Variants in ZNF654 observed in about 807,000 individuals in gnomAD.
ZNF654 encodes the protein zinc finger protein 654.
Under a neutral mutation model 95.3 loss-of-function variants are expected in ZNF654, and 19 were observed. That is an observed-to-expected ratio of 0.20 (90% CI 0.14 to 0.29). The LOEUF is 0.29. Among genes scored for constraint, ZNF654 ranks in the 10% least tolerant of loss-of-function variants. ZNF654 has a pLI of 1.00. For synonymous variants in ZNF654, 413 were observed against 457.9 expected (o/e 0.90, Z 1.25); for missense variants, 1,046 against 1,341.0 (o/e 0.78, Z 3.44).
chr3:88,135,282 A>T (rs1706707249), intron 7 of ZNF654, 80 bp downstream of exon 7: 2 of 1,190,502 alleles, frequency 1.7e-6, no homozygotes, highest in Non-Finnish European at 2.2e-6. Flanking sequence ...GATAAAATTT[A>T]TTTGATTTTA....
Position 88,094,033 on chromosome 3 carries a change from G to A in ZNF654, c.332+7631G>A, listed in dbSNP as rs113609658. On this transcript the variant is annotated intron_variant, in intron 2 of 8. Coordinates refer to ENST00000636215, the MANE Select transcript of ZNF654 (RefSeq NM_001350134.2). ...TAATCATTTGTGACATGTGAACTTA[G>A]TCATTTGAGAGAAAAATCTAGGTCG... is the stretch of plus-strand genomic sequence containing the variant. 2.5e-3 allele frequency among the ~76,000 whole-genome samples: 377 copies of A among 151,618 alleles called. 2 individuals carry two copies. Among genetic ancestry groups the A allele is most frequent in the African/African-American group, 8.7e-3 (362 of 41,376 alleles).
chr3:88,068,942 T>C (rs1707350830), intron 1 of ZNF654, among the ~76,000 whole-genome samples: 1 of 152,150 alleles, frequency 6.6e-6, no homozygotes, highest in South Asian at 2.1e-4. Flanking sequence ...AAGCATTTGG[T>C]ATCTATTGTA....
At position 88,126,062 on chromosome 3, in the gene ZNF654, T is replaced by C. The variant is rs185157588; in HGVS notation, c.415-72T>C. The C allele has an allele frequency of 2.4e-5, 32 of 1,339,356 alleles. No individual in the cohort carries two copies. In the African/African-American group the frequency reaches 4.1e-4, roughly 17 times the overall value. The allele number at this position is 1,339,356 out of a possible 1,614,324, so 83.0% of individuals were successfully genotyped here. ...GCCTCACTGGCCATCAGTCATTTTA[T>C]TGACAATGATGATCAAGTTTAGTTT... On this transcript the variant is annotated intron_variant, in intron 3 of 8. Transcript: ENST00000636215.
At chr3:88,073,744 G>T (rs1344939148) in intron 1 of ZNF654, among the ~76,000 whole-genome samples, 1 of 152,100 alleles carries the variant, frequency 6.6e-6, no homozygotes, top group Non-Finnish European at 1.5e-5. Flanking sequence ...TGAAGAGTTA[G>T]TGCATTCTTC....
intron 1 of ZNF654, among the ~76,000 whole-genome samples, chr3:88,068,398 A>C (rs1707321676): frequency 6.6e-6 from 1 of 152,164 alleles, no homozygotes; most frequent in African/African-American, 2.4e-5. Flanking sequence ...GTATCAGTAC[A>C]TATTAATAGA....
chr3:88,071,890 CTT>C (rs753770735), intron 1 of ZNF654, among the ~76,000 whole-genome samples: 6 of 152,190 alleles, frequency 3.9e-5, no homozygotes, highest in Admixed American at 1.3e-4. Flanking sequence ...TATCTTCTCT[CTT>C]ATATTTTGAA....
In ZNF654 at chr3:88,140,960, G is replaced by C. The variant is rs977208524; in HGVS notation, c.3291G>C (p.Leu1097=). 11 of 1,613,316 alleles carry C rather than the reference G, an allele frequency of 6.8e-6. No homozygotes were observed. Among genetic ancestry groups the C allele is most frequent in the Non-Finnish European group, 9.3e-6 (11 of 1,179,588 alleles). ...AAAGATTAAGATGTGGCAAATGCCT[G>C]ACCACCTACTGTAATGCAGAAGCAC... is the stretch of plus-strand genomic sequence containing the variant. ...SVKRLRCGKC[L]TTYCNAEALE... is the part of the protein sequence containing the mutation. The change falls in exon 8 of 9, where the codon CTG becomes CTC. Residue 1097 remains leucine (L), a synonymous_variant. Coordinates refer to ENST00000636215, the MANE Select transcript of ZNF654 (RefSeq NM_001350134.2).
chr3:88,086,467 A>G (rs541422522), intron 2 of ZNF654, 65 bp downstream of exon 2: 21 of 1,307,522 alleles, frequency 1.6e-5, no homozygotes, highest in Non-Finnish European at 2.1e-5. Context: ...TTTGTTTTTG[A>G]TAATTTCTTC....
intron 7 of ZNF654, among the ~76,000 whole-genome samples, chr3:88,137,968 C>G (rs1483437893): frequency 3.3e-5 from 5 of 151,994 alleles, no homozygotes; most frequent in Non-Finnish European, 7.4e-5. Flanking sequence ...TTAGATTATT[C>G]CAAACCACTA....
At chr3:88,136,244 A>T (rs1335273554) in intron 7 of ZNF654, among the ~76,000 whole-genome samples, 1 of 152,208 alleles carries the variant, frequency 6.6e-6, no homozygotes, top group East Asian at 1.9e-4. Flanking sequence ...GAGATATATT[A>T]TTATAGAAAG....
chr3:88,102,871 G>T (rs1435459418), intron 2 of ZNF654, among the ~76,000 whole-genome samples: 8 of 131,350 alleles, frequency 6.1e-5, no homozygotes, highest in Non-Finnish European at 1.2e-4. Flanking sequence ...GATTCTGAGA[G>T]TATGTATGCC....
At chr3:88,062,234 A>C (rs1435435673) in intron 1 of ZNF654, among the ~76,000 whole-genome samples, 3 of 152,192 alleles carry the variant, frequency 2.0e-5, no homozygotes, top group African/African-American at 7.2e-5. Flanking sequence ...CTAACTCTTA[A>C]GCTTCAGACA....
intron 1 of ZNF654, among the ~76,000 whole-genome samples, chr3:88,064,729 T>C (rs1055754939): frequency 3.9e-5 from 6 of 152,224 alleles, no homozygotes; most frequent in African/African-American, 1.4e-4. Flanking sequence ...CATTGCTTTG[T>C]CCAGTGGGTT....
At chr3:88,125,043 G>C (rs1217014679) in intron 3 of ZNF654, among the ~76,000 whole-genome samples, 1 of 151,848 alleles carries the variant, frequency 6.6e-6, no homozygotes, top group Non-Finnish European at 1.5e-5. Context: ...GTGAAACTCT[G>C]TCTCTACTAA....
Position 88,139,115 on chromosome 3 carries a change from T to C in ZNF654, c.1446T>C (p.Asn482=). The change falls in exon 8 of 9, where the codon AAT becomes AAC. Residue 482 remains asparagine, a synonymous_variant. Coordinates refer to ENST00000636215, the MANE Select transcript of ZNF654 (RefSeq NM_001350134.2). Reference sequence around the variant, plus strand: ...TAAATGAAAGCACACTGGAAAATAATGCAGGTAATCTAAAAAGGACGGAGG... The same window carrying C: ...TAAATGAAAGCACACTGGAAAATAACGCAGGTAATCTAAAAAGGACGGAGG... The part of the protein sequence containing the change: ...RFLNESTLEN[N]AGNLKRTEEQ... 1 of 1,272,422 alleles carries C rather than the reference T, an allele frequency of 7.9e-7. No individual in the cohort carries two copies. The highest frequency in any genetic ancestry group is 3.5e-5 in the South Asian group (1 of 28,586). 78.8% of individuals were successfully genotyped at this position (1,272,422 alleles called of 1,614,324 possible). A position where few individuals can be genotyped will look rare whatever the true frequency, so the allele number is the denominator to read the frequency against.
intron 3 of ZNF654, among the ~76,000 whole-genome samples, chr3:88,118,745 A>T (rs1275508495): frequency 6.6e-6 from 1 of 152,164 alleles, no homozygotes; most frequent in Non-Finnish European, 1.5e-5. Flanking sequence ...AATTTTCAAA[A>T]CTGTGCTACC....
In ZNF654 at chr3:88,142,760, G is replaced by C. The variant is rs1397399425; in HGVS notation, c.*1108G>C. The stretch of plus-strand genomic sequence containing the variant: ...ATTAGTGATGACTCTGGTCTGAACA[G>C]TAATTTTTATATGTAAAAGGAAGTA... On this transcript the variant is annotated 3_prime_UTR_variant, in exon 9 of 9. Transcript: ENST00000636215. 6.6e-6 allele frequency: 1 copy of C among 152,230 alleles called. No individual in the cohort carries two copies. The highest frequency in any genetic ancestry group is 1.9e-4 in the East Asian group (1 of 5,190). 9.4% of individuals were successfully genotyped at this position (152,230 alleles called of 1,614,324 possible). A position where few individuals can be genotyped will look rare whatever the true frequency, so the allele number is the denominator to read the frequency against.
intron 1 of ZNF654, among the ~76,000 whole-genome samples, chr3:88,068,225 G>T (rs1033085083): frequency 6.6e-6 from 1 of 151,958 alleles, no homozygotes; most frequent in African/African-American, 2.4e-5. Context: ...GTGCTTATTT[G>T]TCTCGGTGAA....
At chr3:88,100,757 C>A (rs1329197787) in intron 2 of ZNF654, among the ~76,000 whole-genome samples, 1 of 151,140 alleles carries the variant, frequency 6.6e-6, no homozygotes, top group African/African-American at 2.4e-5. Flanking sequence ...GGGAATTGAA[C>A]AATGAGAACA....
Sources: allele counts gnomAD v4.1 joint callset (sites outside exome capture counted in the v4.1 genomes callset), GRCh38; gene constraint gnomAD v4.1.1; transcripts MANE v1.5; gene names NCBI Gene and HGNC (gene_info 2026-07-23, HGNC 2026-07-21).